Variants in ANK2 observed in about 807,000 individuals in gnomAD.
ANK2 encodes the protein ankyrin 2.
Under a neutral mutation model 360.5 loss-of-function variants are expected in ANK2, and 83 were observed. The ratio of observed to expected loss-of-function variants is 0.23; its 90% CI spans 0.19 to 0.28. The LOEUF is 0.28. Among genes scored for constraint, ANK2 ranks in the 10% least tolerant of loss-of-function variants. ANK2 has a pLI of 1.00. For missense variants in ANK2, 4,201 were observed against 4,795.7 expected (o/e 0.88, Z 3.66); for synonymous variants, 1,740 against 1,759.5 (o/e 0.99, Z 0.28).
At chr4:113,025,557 T>C (rs556785450) in intron 2 of ANK2, among the ~76,000 whole-genome samples, 2 of 152,302 alleles carry the variant, frequency 1.3e-5, no homozygotes, top group African/African-American at 4.8e-5. Context: ...TAAAAATCAA[T>C]CTCTTGACAC....
intron 2 of ANK2, among the ~76,000 whole-genome samples, chr4:113,038,482 A>G (rs1279745290): frequency 6.6e-6 from 1 of 151,948 alleles, no homozygotes; most frequent in Non-Finnish European, 1.5e-5. Context: ...ACGCAAAGTC[A>G]GCCTGTCTGC....
intron 26 of ANK2, among the ~76,000 whole-genome samples, chr4:113,328,153 G>T (rs1235487840): frequency 3.3e-5 from 5 of 152,046 alleles, no homozygotes; most frequent in Admixed American, 3.3e-4. Context: ...TGCCTTCAAA[G>T]GTATAAATAG....
intron 17 of ANK2, among the ~76,000 whole-genome samples, chr4:113,279,693 T>C (rs1207224873): frequency 1.3e-5 from 2 of 148,410 alleles, no homozygotes; most frequent in Non-Finnish European, 3.0e-5. Flanking sequence ...ATATATTTTA[T>C]ATATAAATAT....
intron 18 of ANK2, among the ~76,000 whole-genome samples, chr4:113,283,365 T>G (rs1391040687): frequency 6.6e-6 from 1 of 152,172 alleles, no homozygotes; most frequent in Non-Finnish European, 1.5e-5. Context: ...GAGGCACCTA[T>G]GGATAGGAGA....
intron 1 of ANK2, among the ~76,000 whole-genome samples, chr4:113,170,747 CTGTGT>C (rs1396888636): frequency 1.3e-5 from 2 of 152,094 alleles, no homozygotes; most frequent in Non-Finnish European, 2.9e-5. Flanking sequence ...GAAAGTTGTT[CTGTGT>C]TTCTAATATT....
At chr4:112,909,689 GA>G (rs2086435149) in intron 2 of ANK2, among the ~76,000 whole-genome samples, 2 of 152,154 alleles carry the variant, frequency 1.3e-5, no homozygotes, top group Non-Finnish European at 2.9e-5. Flanking sequence ...GAATTTTGGG[GA>G]AAAAGTATTC....
At chr4:113,377,739 A>G (rs986157456) in intron 45 of ANK2, among the ~76,000 whole-genome samples, 3 of 152,190 alleles carry the variant, frequency 2.0e-5, no homozygotes, top group Non-Finnish European at 2.9e-5. Flanking sequence ...TATCTGTGTT[A>G]TACCATTTGG....
At chr4:113,203,927 G>C (rs2098899376) in intron 4 of ANK2, among the ~76,000 whole-genome samples, 1 of 151,988 alleles carries the variant, frequency 6.6e-6, no homozygotes, top group South Asian at 2.1e-4. Flanking sequence ...TTTTCTTAAA[G>C]TAGAATCCAT....
chr4:112,782,063 C>T, the ANK2 span, among the ~76,000 whole-genome samples: 131 of 152,094 alleles, frequency 8.6e-4, no homozygotes, highest in Middle Eastern at 3.4e-3. Flanking sequence ...CTCCTGACCT[C>T]GTGATCCGCC....
At position 113,369,637 on chromosome 4, in the gene ANK2, C is replaced by A. The variant is rs767815065; in HGVS notation, c.11442C>A (p.Thr3814=). The A allele has an allele frequency of 1.9e-6, 3 of 1,614,084 alleles. No homozygotes were observed. Among genetic ancestry groups the A allele is most frequent in the South Asian group, 1.1e-5 (1 of 91,072 alleles). Residue 3814 remains threonine, a synonymous_variant, in exon 43 of 46, where the codon ACC becomes ACA. Transcript: ENST00000357077. ...PAEEEKLYLQ[T]PTSSERGGSP... ...AGGAGGAGAAGCTGTACCTCCAGAC[C>A]CCAACATCCAGCGAGCGGGGAGGCT...
intron 41 of ANK2, 64 bp downstream of exon 41, chr4:113,365,246 G>T: frequency 1.3e-6 from 2 of 1,554,818 alleles, no homozygotes; most frequent in Non-Finnish European, 8.8e-7. Context: ...GTCTGTGTGT[G>T]GTTAATTGAG....
At chr4:113,060,823 G>A (rs1459244363) in intron 1 of ANK2, among the ~76,000 whole-genome samples, 1 of 151,606 alleles carries the variant, frequency 6.6e-6, no homozygotes, top group Non-Finnish European at 1.5e-5. Context: ...CTCAGACTCA[G>A]CTGTGGAACA....
intron 1 of ANK2, among the ~76,000 whole-genome samples, chr4:112,890,555 G>GTTTT (rs1383564163): frequency 4.8e-5 from 5 of 104,604 alleles, no homozygotes; most frequent in African/African-American, 1.1e-4. Flanking sequence ...ACATTTCTGT[G>GTTTT]GTTTTTTTTT....
chr4:112,875,171 G>T (rs931694651), intron 1 of ANK2, among the ~76,000 whole-genome samples: 1 of 151,988 alleles, frequency 6.6e-6, no homozygotes, highest in Non-Finnish European at 1.5e-5. Flanking sequence ...ACAGGTGGGC[G>T]CCACCATGCC....
At chr4:113,370,905 A>G (rs2096715077) in intron 43 of ANK2, among the ~76,000 whole-genome samples, 1 of 152,182 alleles carries the variant, frequency 6.6e-6, no homozygotes, top group Non-Finnish European at 1.5e-5. Flanking sequence ...GAAAGCAAGA[A>G]TTTGCCTTTT....
intron 2 of ANK2, among the ~76,000 whole-genome samples, chr4:112,960,158 A>G (rs2154260006): frequency 6.6e-6 from 1 of 152,314 alleles, no homozygotes; most frequent in Non-Finnish European, 1.5e-5. Flanking sequence ...TGAGTAAACC[A>G]TACTGTGATA....
the ANK2 span, among the ~76,000 whole-genome samples, chr4:112,718,336 G>A: frequency 1.3e-5 from 2 of 152,134 alleles, no homozygotes; most frequent in Admixed American, 6.6e-5. Flanking sequence ...TTTGTTTTTC[G>A]GACAGTCTTG....
chr4:113,368,169 G>T (rs1347022936), intron 42 of ANK2, among the ~76,000 whole-genome samples: 1 of 152,186 alleles, frequency 6.6e-6, no homozygotes, highest in Non-Finnish European at 1.5e-5. Flanking sequence ...AGGGTCAAAA[G>T]TGTGTTTATG....
At chr4:113,227,396 C>T (rs571732711) in intron 4 of ANK2, among the ~76,000 whole-genome samples, 1 of 152,306 alleles carries the variant, frequency 6.6e-6, no homozygotes, top group South Asian at 2.1e-4. Flanking sequence ...CATCTGTTTT[C>T]ACCAGAATGA....
Sources: allele counts gnomAD v4.1 joint callset (sites outside exome capture counted in the v4.1 genomes callset), GRCh38; gene constraint gnomAD v4.1.1; transcripts MANE v1.5; gene names NCBI Gene and HGNC (gene_info 2026-07-23, HGNC 2026-07-21).